Variants in PTPRN2 observed in about 807,000 individuals in gnomAD.
The protein encoded by PTPRN2 is receptor-type tyrosine-protein phosphatase N2.
Under a neutral mutation model 118.8 loss-of-function variants are expected in PTPRN2, and 74 were observed. The observed-to-expected ratio is 0.62, with a 90% CI of 0.52 to 0.76. The LOEUF is 0.76. Among genes scored for constraint, PTPRN2 ranks in the 30% least tolerant of loss-of-function variants. The pLI is 0.00. For synonymous variants in PTPRN2, 641 were observed against 608.0 expected (o/e 1.05, Z -0.80); for missense variants, 1,481 against 1,394.4 (o/e 1.06, Z -0.99).
chr7:158,554,404 G>A (rs896419847), intron 1 of PTPRN2, among the ~76,000 whole-genome samples: 2 of 152,246 alleles, frequency 1.3e-5, no homozygotes, highest in African/African-American at 2.4e-5. Flanking sequence ...GTATGGTAAA[G>A]AGGGTAATTG....
At position 158,333,422 on chromosome 7, in the gene PTPRN2, T is replaced by A. The variant is rs201393384; in HGVS notation, c.164-16490A>T. Among the ~76,000 whole-genome samples the A allele has an allele frequency of 6.3e-5, 6 of 95,104 alleles. 1 individual carries two copies. Among genetic ancestry groups the A allele is most frequent in the Non-Finnish European group, 1.2e-4 (5 of 42,202 alleles). 62.4% of individuals were successfully genotyped at this position (95,104 alleles called of 152,430 possible). A position where few individuals can be genotyped will look rare whatever the true frequency, so the allele number is the denominator to read the frequency against. ...GCAGACGTCACTCACACCCACACTG[T>A]CACCATAAGAGGTGACACCTGCAGA... On this transcript the variant is annotated intron_variant, in intron 2 of 22. Coordinates refer to ENST00000389418, the MANE Select transcript of PTPRN2 (RefSeq NM_002847.5).
intron 1 of PTPRN2, among the ~76,000 whole-genome samples, chr7:158,538,981 C>T (rs553222355): frequency 6.6e-5 from 10 of 152,302 alleles, no homozygotes; most frequent in African/African-American, 1.9e-4. Context: ...CCCCAGGGCT[C>T]AGCTCTCCAA....
At chr7:157,572,394 C>A (rs993894347) in intron 19 of PTPRN2, among the ~76,000 whole-genome samples, 4 of 152,180 alleles carry the variant, frequency 2.6e-5, no homozygotes, top group African/African-American at 9.7e-5. Flanking sequence ...AAGTATGGAC[C>A]ATCAATGGGA....
chr7:158,494,525 A>G (rs961196053), intron 1 of PTPRN2, among the ~76,000 whole-genome samples: 2 of 152,238 alleles, frequency 1.3e-5, no homozygotes, highest in African/African-American at 4.8e-5. Flanking sequence ...CAGGCTCAGC[A>G]CCGGCACCTG....
At chr7:158,494,832 A>C (rs774204234) in intron 1 of PTPRN2, among the ~76,000 whole-genome samples, 1 of 152,204 alleles carries the variant, frequency 6.6e-6, no homozygotes, top group African/African-American at 2.4e-5. Flanking sequence ...CACCTGTGTC[A>C]GCACCACTCA....
chr7:157,678,178 G>A (rs1249282424), intron 13 of PTPRN2, among the ~76,000 whole-genome samples: 2 of 152,052 alleles, frequency 1.3e-5, no homozygotes, highest in African/African-American at 4.8e-5. Context: ...CTTCATTTTT[G>A]AAGCAGCATA....
At chr7:158,568,754 A>G (rs1372517881) in intron 1 of PTPRN2, among the ~76,000 whole-genome samples, 1 of 152,214 alleles carries the variant, frequency 6.6e-6, no homozygotes, top group Admixed American at 6.5e-5. Context: ...AAAGTTGCCA[A>G]ATCTTTATGT....
chr7:157,925,952 C>A (rs951465955), intron 11 of PTPRN2, among the ~76,000 whole-genome samples: 1 of 152,200 alleles, frequency 6.6e-6, no homozygotes. Context: ...GAAACTAGTT[C>A]CCTGCAAAAT....
chr7:157,946,908 T>C (rs1431777825), intron 11 of PTPRN2, among the ~76,000 whole-genome samples: 1 of 152,202 alleles, frequency 6.6e-6, no homozygotes, highest in African/African-American at 2.4e-5. Flanking sequence ...GCATGTGGGA[T>C]GTGCCTTGAA....
At chr7:158,058,468 CACAGTGACGCATCACTGCAG>C in intron 11 of PTPRN2, among the ~76,000 whole-genome samples, 1 of 95,940 alleles carries the variant, frequency 1.0e-5, no homozygotes, top group Non-Finnish European at 2.1e-5. Flanking sequence ...TCCATCTGCA[CACAGTGACGCATCACTGCAG>C]CCACACTCCA....
At chr7:158,288,500 T>A (rs1799901341) in intron 3 of PTPRN2, among the ~76,000 whole-genome samples, 1 of 152,204 alleles carries the variant, frequency 6.6e-6, no homozygotes, top group Non-Finnish European at 1.5e-5. Context: ...CATAAAAATA[T>A]CTTACAGTTA....
intron 3 of PTPRN2, among the ~76,000 whole-genome samples, chr7:158,243,112 T>C (rs560911777): frequency 3.3e-5 from 5 of 152,290 alleles, no homozygotes; most frequent in African/African-American, 1.2e-4. Flanking sequence ...GTTAGGTTGA[T>C]TAGAAAACAA....
chr7:157,540,671 A>T lies in PTPRN2; in HGVS notation c.*43T>A. 6.9e-7 allele frequency: 1 copy of T among 1,450,498 alleles called. No homozygotes were observed. 89.9% of individuals were successfully genotyped at this position (1,450,498 alleles called of 1,614,324 possible). A position where few individuals can be genotyped will look rare whatever the true frequency, so the allele number is the denominator to read the frequency against. ...AAGTCAGATCATGATTCCTGACAAC[A>T]TCCGTGGGGTGGGGGCTCCCCTGAG... On this transcript the variant is annotated 3_prime_UTR_variant, in exon 23 of 23. Coordinates refer to ENST00000389418, the MANE Select transcript of PTPRN2 (RefSeq NM_002847.5).
At chr7:157,999,126 A>G (rs12665894) in intron 11 of PTPRN2, among the ~76,000 whole-genome samples, 104,360 of 151,524 alleles carry the variant, frequency 0.69, 36,128 homozygotes, top group East Asian at 0.88. Flanking sequence ...CGTGAGCCTC[A>G]TGCCAGAGAA....
chr7:158,585,156 A>G (rs73512232), intron 1 of PTPRN2, among the ~76,000 whole-genome samples: 5,093 of 152,316 alleles, frequency 0.033, 256 homozygotes, highest in African/African-American at 0.11. Flanking sequence ...AAAGAAAAAT[A>G]GCAGCACCTG....
chr7:158,309,992 G>A (rs539574633), intron 3 of PTPRN2, among the ~76,000 whole-genome samples: 1 of 152,254 alleles, frequency 6.6e-6, no homozygotes, highest in Non-Finnish European at 1.5e-5. Flanking sequence ...GACACGGGGG[G>A]AAGATGCCAC....
intron 12 of PTPRN2, among the ~76,000 whole-genome samples, chr7:157,843,741 G>A (rs1226525718): frequency 6.6e-6 from 1 of 152,214 alleles, no homozygotes. Context: ...GATACTTACG[G>A]TTCTATGATT....
chr7:158,504,038 G>T (rs764895560), intron 1 of PTPRN2, among the ~76,000 whole-genome samples: 1 of 151,390 alleles, frequency 6.6e-6, no homozygotes, highest in Non-Finnish European at 1.5e-5. Context: ...TATCATAAAA[G>T]CCTAGAAAAT....
In PTPRN2 at chr7:158,413,401, A is replaced by G. The variant is rs186523411; in HGVS notation, c.163+76334T>C. Among the ~76,000 whole-genome samples the G allele has an allele frequency of 3.9e-3, 593 of 152,402 alleles. 2 individuals are homozygous for G. Among genetic ancestry groups the G allele is most frequent in the African/African-American group, 0.013 (539 of 41,600 alleles). ...TCTGAACCCGAATGCACACAAAAAA[A>G]TAAAACATTGTCTTTAAGGAAATAA... On this transcript the variant is annotated intron_variant, in intron 2 of 22. Coordinates refer to ENST00000389418, the MANE Select transcript of PTPRN2 (RefSeq NM_002847.5).
Sources: allele counts gnomAD v4.1 joint callset (sites outside exome capture counted in the v4.1 genomes callset), GRCh38; gene constraint gnomAD v4.1.1; transcripts MANE v1.5; gene names NCBI Gene and HGNC (gene_info 2026-07-23, HGNC 2026-07-21).